SLC4A5: variants seen among roughly 807,000 people sequenced by gnomAD.
The protein encoded by SLC4A5 is electrogenic sodium bicarbonate cotransporter 4.
Under a neutral mutation model 120.4 loss-of-function variants are expected in SLC4A5, and 96 were observed. That is an observed-to-expected ratio of 0.80 (90% CI 0.68 to 0.94). The LOEUF is 0.94. SLC4A5 is among the 40% of genes least tolerant of loss of function. The pLI is 0.00. For synonymous variants in SLC4A5, 550 were observed against 571.1 expected, an observed-to-expected ratio of 0.96 and a Z score of 0.53; for missense variants, 1,259 against 1,459.5, an observed-to-expected ratio of 0.86 and a Z score of 2.24.
At position 74,290,161 on chromosome 2, in the gene SLC4A5, A is replaced by G. The variant is rs1479442666; in HGVS notation, c.272-4259T>C. On this transcript the variant is annotated intron_variant, in intron 7 of 30. Transcript: ENST00000394019. ...TCCCCTTTCCCCTTCAAGGCCAGAC[A>G]AGAAGGCAAATAAATGGACAGGTCC... 3 of 985,494 alleles carry G rather than the reference A, an allele frequency of 3.0e-6. No individual in the cohort carries two copies. The African/African-American group carries it at 5.2e-5, about 17-fold the overall frequency. The allele number at this position is 985,494 out of a possible 1,614,324, so 61.0% of individuals were successfully genotyped here. A position where few individuals can be genotyped will look rare whatever the true frequency, so the allele number is the denominator to read the frequency against.
At chr2:74,268,549 T>G (rs1203553072) in intron 8 of SLC4A5, among the ~76,000 whole-genome samples, 1 of 152,270 alleles carries the variant, frequency 6.6e-6, no homozygotes, top group Non-Finnish European at 1.5e-5. Flanking sequence ...TAATTATTCT[T>G]TATTATTAAT....
intron 17 of SLC4A5, among the ~76,000 whole-genome samples, chr2:74,249,174 T>G (rs1054454264): frequency 6.6e-6 from 1 of 152,194 alleles, no homozygotes; most frequent in Non-Finnish European, 1.5e-5. Context: ...AAATGTCTCC[T>G]GGGGTGAAAA....
At chr2:74,279,108 G>C (rs1045392515) in intron 8 of SLC4A5, among the ~76,000 whole-genome samples, 1 of 152,178 alleles carries the variant, frequency 6.6e-6, no homozygotes. Flanking sequence ...GTAAGCCTAC[G>C]ATGTGCTCAG....
intron 7 of SLC4A5, among the ~76,000 whole-genome samples, chr2:74,291,127 AC>A (rs1672153751): frequency 6.6e-6 from 1 of 152,060 alleles, no homozygotes; most frequent in South Asian, 2.1e-4. Flanking sequence ...CCAACTTTAA[AC>A]CCAAACTCCT....
rs750608249 is a variant in SLC4A5 at position 74,285,652 on chromosome 2, AGG to A, written c.401+119_401+120del. On this transcript the variant is annotated intron_variant, in intron 8 of 30. Transcript: ENST00000394019. ...CTGGACACCAAGGAAGGCAGCTGGG[AGG>A]GTCTTTGTGGACCAGGAAGCTCTCA... 53 of 1,165,672 alleles carry A rather than the reference AGG, an allele frequency of 4.5e-5. 1 individual carries two copies. The highest frequency in any genetic ancestry group is 6.2e-5 in the African/African-American group (4 of 64,080). 72.2% of individuals were successfully genotyped at this position (1,165,672 alleles called of 1,614,324 possible).
chr2:74,253,098 T>C (rs1264689281), exon 15 of SLC4A5: 1 of 1,614,100 alleles, frequency 6.2e-7, no homozygotes, highest in Admixed American at 1.7e-5. Flanking sequence ...TCTTCCCGAT[T>C]GCGGGCTTTG....
chr2:74,222,204 A>C (rs1377282951), intron 29 of SLC4A5, among the ~76,000 whole-genome samples: 1 of 152,188 alleles, frequency 6.6e-6, no homozygotes, highest in East Asian at 1.9e-4. Context: ...GCCACTGGAA[A>C]ACATGGGAGG....
chr2:74,267,370 T>A (rs1315075968), intron 8 of SLC4A5, among the ~76,000 whole-genome samples: 1 of 152,218 alleles, frequency 6.6e-6, no homozygotes, highest in African/African-American at 2.4e-5. Flanking sequence ...TGAAGCTTTG[T>A]CTGTTAGGCC....
chr2:74,262,113 C>T (rs765166181), intron 11 of SLC4A5, 24 bp downstream of exon 11: 20 of 1,605,368 alleles, frequency 1.2e-5, no homozygotes, highest in South Asian at 1.1e-4. Context: ...AAAGCTGCCA[C>T]AGAGCGGCAG....
chr2:74,315,023 T>G (rs767341569), exon 6 of SLC4A5: 1 of 1,613,282 alleles, frequency 6.2e-7, no homozygotes, highest in Non-Finnish European at 8.5e-7. Flanking sequence ...TTCACCTTCA[T>G]GACTATAAAG....
chr2:74,315,293 A>G (rs542239879), intron 5 of SLC4A5, among the ~76,000 whole-genome samples: 21 of 152,136 alleles, frequency 1.4e-4, no homozygotes, highest in African/African-American at 4.3e-4. Flanking sequence ...TACAAAAATT[A>G]GCCAGATGTG....
intron 14 of SLC4A5, among the ~76,000 whole-genome samples, chr2:74,253,457 A>G (rs1670857197): frequency 6.6e-6 from 1 of 152,214 alleles, no homozygotes; most frequent in South Asian, 2.1e-4. Flanking sequence ...GCCCAGTCCA[A>G]GGAGCTCAGA....
chr2:74,221,404 T>C, intron 30 of SLC4A5, 30 bp downstream of exon 30: 19 of 1,524,028 alleles, frequency 1.2e-5, no homozygotes, highest in Non-Finnish European at 1.7e-5. Flanking sequence ...TCTTACCTAA[T>C]ACGCAAGGAG....
At chr2:74,293,535 T>G (rs975073115) in intron 7 of SLC4A5, among the ~76,000 whole-genome samples, 25 of 152,098 alleles carry the variant, frequency 1.6e-4, no homozygotes, top group Non-Finnish European at 1.5e-5. Context: ...GAGACAGAGC[T>G]GGTAAATGGA....
intron 19 of SLC4A5, among the ~76,000 whole-genome samples, chr2:74,243,047 A>G (rs1026135610): frequency 1.3e-5 from 2 of 152,244 alleles, no homozygotes; most frequent in Admixed American, 6.5e-5. Flanking sequence ...GAGGAAAGTT[A>G]AACCAAAGTC....
chr2:74,321,186 C>G (rs1366440158), intron 5 of SLC4A5, among the ~76,000 whole-genome samples: 1 of 152,152 alleles, frequency 6.6e-6, no homozygotes, highest in Non-Finnish European at 1.5e-5. Context: ...GAGGATGCTG[C>G]TAGTTACTTC....
intron 5 of SLC4A5, among the ~76,000 whole-genome samples, chr2:74,318,749 T>C (rs1044205253): frequency 6.6e-6 from 1 of 151,546 alleles, no homozygotes; most frequent in African/African-American, 2.4e-5. Flanking sequence ...ACATGCACTG[T>C]CGGTGGGAAT....
At chr2:74,290,602 CAGAG>C (rs904887057) in intron 7 of SLC4A5, 73 of 924,148 alleles carry the variant, frequency 7.9e-5, no homozygotes, top group South Asian at 5.7e-4. Flanking sequence ...GAGAGAGAGA[CAGAG>C]AGAGAGACAG....
intron 25 of SLC4A5, among the ~76,000 whole-genome samples, chr2:74,230,925 G>A (rs1446160756): frequency 6.6e-6 from 1 of 152,124 alleles, no homozygotes. Context: ...TCCTGTCTCA[G>A]CCTCCCGAGT....
Sources: gnomAD v4.1 joint callset for allele counts (sites outside exome capture counted in the v4.1 genomes callset) on GRCh38, gnomAD v4.1.1 for gene constraint, MANE v1.5 for transcripts, NCBI Gene and HGNC (gene_info 2026-07-23, HGNC 2026-07-21) for gene names.